NAALADL2: variants seen among roughly 807,000 people sequenced by gnomAD.
NAALADL2 encodes the protein N-acetylated alpha-linked acidic dipeptidase like 2.
NAALADL2 carries 76 observed loss-of-function variants against 87.2 expected under a neutral mutation model. The ratio of observed to expected loss-of-function variants is 0.87; its 90% CI spans 0.72 to 1.05. The LOEUF (loss-of-function observed/expected upper bound fraction) is 1.05, where lower values mean the gene tolerates loss of function less well. NAALADL2 is among the 50% of genes least tolerant of loss of function. The probability of loss-of-function intolerance (pLI) is 0.00; values close to 1 mark genes in which losing one functional copy is unlikely to be tolerated. For synonymous variants in NAALADL2, 354 were observed against 331.0 expected, an observed-to-expected ratio of 1.07 and a Z score of -0.75; for missense variants, 1,089 against 945.8, an observed-to-expected ratio of 1.15 and a Z score of -1.99.
chr3:175,170,677 G>T (rs927925319), intron 2 of NAALADL2, among the ~76,000 whole-genome samples: 2 of 150,968 alleles, frequency 1.3e-5, no homozygotes, highest in African/African-American at 2.4e-5. Flanking sequence ...AATAATCATT[G>T]GGACATTGTT....
At chr3:174,783,402 C>T (rs533717641) in intron 3 of NAALADL2, among the ~76,000 whole-genome samples, 248 of 152,230 alleles carry the variant, frequency 1.6e-3, no homozygotes, top group African/African-American at 5.8e-3. Context: ...CACATGAATG[C>T]TGTTTCAGAA....
intron 1 of NAALADL2, among the ~76,000 whole-genome samples, chr3:174,953,919 A>G (rs1003976088): frequency 3.9e-5 from 6 of 152,082 alleles, no homozygotes; most frequent in Admixed American, 1.3e-4. Context: ...CTCAGTGGCT[A>G]GATTTCAGGG....
chr3:175,294,710 A>G (rs1357708005), intron 4 of NAALADL2, among the ~76,000 whole-genome samples: 1 of 152,254 alleles, frequency 6.6e-6, no homozygotes, highest in Non-Finnish European at 1.5e-5. Context: ...TAATTTATGA[A>G]GATAAATTTA....
chr3:175,684,658 T>C (rs1179274887), intron 11 of NAALADL2, among the ~76,000 whole-genome samples: 1 of 151,882 alleles, frequency 6.6e-6, no homozygotes, highest in Non-Finnish European at 1.5e-5. Context: ...AAATAAATAG[T>C]TGGGTCTGGT....
intron 3 of NAALADL2, among the ~76,000 whole-genome samples, chr3:174,761,856 G>A (rs894421893): frequency 6.0e-5 from 9 of 149,170 alleles, no homozygotes; most frequent in East Asian, 2.0e-4. Flanking sequence ...GAGAACATGC[G>A]GTGTTTGGTT....
chr3:174,760,395 T>C (rs1223801757), intron 3 of NAALADL2, among the ~76,000 whole-genome samples: 2 of 152,254 alleles, frequency 1.3e-5, no homozygotes, highest in African/African-American at 4.8e-5. Context: ...CAATACATAA[T>C]AGAATACATT....
chr3:175,333,086 C>G (rs1159081026), intron 5 of NAALADL2, among the ~76,000 whole-genome samples: 2 of 152,086 alleles, frequency 1.3e-5, no homozygotes, highest in Admixed American at 6.6e-5. Flanking sequence ...CATGTAGCCC[C>G]CAGGCAGTGG....
chr3:175,134,997 A>G (rs1002160392), intron 2 of NAALADL2, among the ~76,000 whole-genome samples: 1 of 152,182 alleles, frequency 6.6e-6, no homozygotes, highest in African/African-American at 2.4e-5. Flanking sequence ...TTGATGAGTA[A>G]GTTTTGCCCT....
intron 5 of NAALADL2, among the ~76,000 whole-genome samples, chr3:175,377,440 T>G (rs1767271992): frequency 6.6e-6 from 1 of 152,238 alleles, no homozygotes; most frequent in Non-Finnish European, 1.5e-5. Flanking sequence ...TTGTTTTTGC[T>G]TCTTCACATC....
At chr3:174,469,900 T>G (rs1716793208) in intron 1 of NAALADL2, among the ~76,000 whole-genome samples, 3 of 152,164 alleles carry the variant, frequency 2.0e-5, no homozygotes, top group Admixed American at 6.5e-5. Flanking sequence ...ATTTTTCATA[T>G]GAACCACTAT....
intron 2 of NAALADL2, among the ~76,000 whole-genome samples, chr3:175,168,899 T>C (rs898524966): frequency 2.0e-5 from 3 of 151,894 alleles, no homozygotes; most frequent in African/African-American, 4.8e-5. Context: ...TGGAATTTTA[T>C]TGTTGTCCTC....
intron 3 of NAALADL2, among the ~76,000 whole-genome samples, chr3:174,835,077 C>T (rs187902282): frequency 1.9e-3 from 295 of 152,012 alleles, no homozygotes; most frequent in Admixed American, 2.9e-3. Flanking sequence ...ATCAAAATAA[C>T]ATGGTATTTG....
intron 1 of NAALADL2, among the ~76,000 whole-genome samples, chr3:174,989,729 T>A (rs1050450075): frequency 1.3e-5 from 2 of 152,170 alleles, no homozygotes; most frequent in African/African-American, 4.8e-5. Flanking sequence ...GGCAGTGCAG[T>A]AAGAAATTGA....
At chr3:175,369,490 G>A (rs1766168543) in intron 5 of NAALADL2, 1 of 151,584 alleles carries the variant, frequency 6.6e-6, no homozygotes, top group Non-Finnish European at 1.5e-5. Context: ...ACATATATAG[G>A]TAACAAGTAT....
At chr3:174,929,009 T>C (rs1736484658) in intron 1 of NAALADL2, among the ~76,000 whole-genome samples, 1 of 152,192 alleles carries the variant, frequency 6.6e-6, no homozygotes, top group Admixed American at 6.5e-5. Flanking sequence ...TAATTAGATA[T>C]TTAATTTTGA....
intron 4 of NAALADL2, among the ~76,000 whole-genome samples, chr3:175,284,203 T>A (rs1284105357): frequency 6.9e-6 from 1 of 144,878 alleles, no homozygotes; most frequent in Non-Finnish European, 1.5e-5. Context: ...TTTTTTTCTG[T>A]CTTGCTTTAA....
chr3:175,118,023 T>G (rs1205177949), intron 2 of NAALADL2, among the ~76,000 whole-genome samples: 1 of 151,590 alleles, frequency 6.6e-6, no homozygotes, highest in Non-Finnish European at 1.5e-5. Flanking sequence ...GGACAGAAAA[T>G]CAAACACCAC....
At chr3:175,647,616 TAA>T (rs1382872150) in intron 11 of NAALADL2, among the ~76,000 whole-genome samples, 1 of 152,174 alleles carries the variant, frequency 6.6e-6, no homozygotes, top group Admixed American at 6.5e-5. Flanking sequence ...GACTGAGATC[TAA>T]TGGGCAGTTT....
At chr3:174,486,816 T>C (rs1471927097) in intron 1 of NAALADL2, among the ~76,000 whole-genome samples, 1 of 151,980 alleles carries the variant, frequency 6.6e-6, no homozygotes, top group Non-Finnish European at 1.5e-5. Context: ...TGGTGGACAT[T>C]AGATGTTCTG....
Sources: gnomAD v4.1 joint callset for allele counts (sites outside exome capture counted in the v4.1 genomes callset) on GRCh38, gnomAD v4.1.1 for gene constraint, MANE v1.5 for transcripts, NCBI Gene and HGNC (gene_info 2026-07-23, HGNC 2026-07-21) for gene names.